The following DMXL2 variants were observed in gnomAD, a reference collection of about 807,000 sequenced individuals.
DMXL2 encodes the protein dmX-like protein 2.
In DMXL2, 103 loss-of-function variants were observed where a neutral mutation model predicts 331.1. That is an observed-to-expected ratio of 0.31 (90% CI 0.27 to 0.37). DMXL2 has a LOEUF of 0.37. DMXL2 is among the 10% of genes least tolerant of loss of function. DMXL2 has a pLI of 1.00. For synonymous variants in DMXL2, 1,281 were observed against 1,252.1 expected, an observed-to-expected ratio of 1.02 and a Z score of -0.49; for missense variants, 3,171 against 3,642.9, an observed-to-expected ratio of 0.87 and a Z score of 3.33.
intron 15 of DMXL2, among the ~76,000 whole-genome samples, chr15:51,510,802 G>C (rs576740551): frequency 1.3e-5 from 2 of 152,088 alleles, no homozygotes; most frequent in Admixed American, 6.6e-5. Flanking sequence ...ATACTACAAG[G>C]CTACAGTAAC....
intron 5 of DMXL2, 63 bp from the exon 6 acceptor site, chr15:51,563,510 G>A: frequency 1.1e-5 from 13 of 1,144,614 alleles, no homozygotes; most frequent in Non-Finnish European, 1.6e-5. Context: ...TATAAAAATG[G>A]TCAAGATGAG....
intron 40 of DMXL2, 126 bp from the exon 41 acceptor site, chr15:51,453,767 CTAGGATAAAAGAATAAGTGA>C (rs2039368704): frequency 2.8e-6 from 2 of 718,380 alleles, no homozygotes; most frequent in Non-Finnish European, 2.3e-6. Flanking sequence ...AAAACTCGGT[CTAGGATAAAAGAATAAGTGA>C]TAGTATGAGG....
intron 34 of DMXL2, 24 bp from the exon 35 acceptor site, chr15:51,458,819 T>G: frequency 6.3e-7 from 1 of 1,599,908 alleles, no homozygotes; most frequent in Non-Finnish European, 8.6e-7. Flanking sequence ...ATCAGCAGTT[T>G]TAGTTGCTGC....
rs761081396 is a variant in DMXL2 at position 51,499,347 on chromosome 15, C to G, written c.3877G>C (p.Ala1293Pro). Residue 1293 changes from alanine (A) to proline (P), a missense_variant, in exon 18 of 44, where the codon GCA becomes CCA. Transcript: ENST00000560891. ...TEADSSNAEE[A>P]AMQDHSTFKS... ...AAGGTCGAATGATCTTGCATTGCTG[C>G]CTCTTCTGCATTAGAACTATCAGCT... 1 of 1,613,914 alleles carries G rather than the reference C, an allele frequency of 6.2e-7. No individual in the cohort carries two copies. The highest frequency in any genetic ancestry group is 1.1e-5 in the South Asian group (1 of 91,076).
intron 1 of DMXL2, among the ~76,000 whole-genome samples, chr15:51,597,927 T>C (rs2052943086): frequency 1.3e-5 from 2 of 152,204 alleles, no homozygotes; most frequent in African/African-American, 4.8e-5. Context: ...ACCGGTCATT[T>C]AGATTTTCTC....
chr15:51,491,441 CCA>C, intron 20 of DMXL2, 135 bp downstream of exon 20: 2 of 799,448 alleles, frequency 2.5e-6, no homozygotes, highest in Non-Finnish European at 3.8e-6. Flanking sequence ...AATTCCATCT[CCA>C]AAAAAAAAAA....
chr15:51,603,972 A>G (rs1195271080), intron 1 of DMXL2, among the ~76,000 whole-genome samples: 1 of 152,128 alleles, frequency 6.6e-6, no homozygotes, highest in East Asian at 1.9e-4. Context: ...CATAATAAAA[A>G]ATATTCTTAA....
At position 51,480,057 on chromosome 15, in the gene DMXL2, T is replaced by G; in HGVS notation, c.6647A>C (p.Lys2216Thr). The G allele has an allele frequency of 1.2e-6, 2 of 1,602,884 alleles. No homozygotes were observed. The change falls in exon 25 of 44, where the codon AAA (lysine) becomes ACA (threonine). Residue 2216 changes from lysine (K) to threonine (T), a missense_variant. Lys to Thr is a moderately conservative substitution (Grantham distance 78). This residue lies in a region of DMXL2 where 197 missense variants were observed against 196.2 expected (regional missense o/e 1.00). Transcript: ENST00000560891. ...CAATACAGGATTAGCTATGACTGTT[T>G]TTGTTGACGCAATACTTGCTGAAAG... Reference protein sequence around the residue: ...PLLSASIASTKTVIANPVLYL... With the variant: ...PLLSASIASTTTVIANPVLYL...
At position 51,471,409 on chromosome 15, in the gene DMXL2, A is replaced by G; in HGVS notation, c.7214-8T>C. The G allele has an allele frequency of 6.4e-7, 1 of 1,570,716 alleles. No homozygotes were observed. ...CAGAAAGGACAGGAGGTGCTAAATG[A>G]AGATAGAAGGAAAAAAAAATCTAGC... On this transcript the variant is annotated splice_polypyrimidine_tract_variant and splice_region_variant and intron_variant, in intron 28 of 43. Transcript: ENST00000560891.
At chr15:51,572,227 T>C (rs1246031170) in intron 2 of DMXL2, among the ~76,000 whole-genome samples, 6 of 127,294 alleles carry the variant, frequency 4.7e-5, no homozygotes, top group Non-Finnish European at 9.0e-5. Flanking sequence ...CTCCCAATAC[T>C]AAACCAGGAA....
chr15:51,474,641 G>A (rs1307093793), intron 27 of DMXL2, 49 bp from the exon 28 acceptor site: 1 of 1,509,536 alleles, frequency 6.6e-7, no homozygotes, highest in Admixed American at 2.3e-5. Flanking sequence ...TGAAGCACCA[G>A]AAGGAAAAAA....
intron 1 of DMXL2, among the ~76,000 whole-genome samples, chr15:51,598,900 C>G (rs1453037399): frequency 2.0e-5 from 3 of 152,136 alleles, no homozygotes; most frequent in African/African-American, 7.2e-5. Flanking sequence ...TGTAAATATC[C>G]TGTTCCTTAC....
chr15:51,464,880 C>T lies in DMXL2; in HGVS notation c.7607-4G>A. ...AATGGTGATGTTACAGGCAGCTCTA[C>T]AAGGTGACAGAATATGTTATTTATT... On this transcript the variant is annotated splice_region_variant and splice_polypyrimidine_tract_variant and intron_variant, in intron 31 of 43. Coordinates refer to ENST00000560891, the MANE Select transcript of DMXL2 (RefSeq NM_001378457.1). 1 of 1,606,398 alleles carries T rather than the reference C, an allele frequency of 6.2e-7. No individual in the cohort carries two copies. The highest frequency in any genetic ancestry group is 8.5e-7 in the Non-Finnish European group (1 of 1,175,522).
intron 1 of DMXL2, among the ~76,000 whole-genome samples, chr15:51,618,497 T>C (rs1456453163): frequency 6.6e-6 from 1 of 152,198 alleles, no homozygotes; most frequent in Non-Finnish European, 1.5e-5. Flanking sequence ...AACATTATTT[T>C]CTAATTTTTA....
In DMXL2 at chr15:51,459,611, T is replaced by A; in HGVS notation, c.7976A>T (p.Asp2659Val). The part of the protein sequence containing the change: ...EQVNQNCIAE[D>V]CHIKVEADLG... Reference sequence around the variant, plus strand: ...TTGGAATACTACCTTGATGTGGCAATCTTCTGCTATGCAGTTTTGGTTGAC... The same window carrying A: ...TTGGAATACTACCTTGATGTGGCAAACTTCTGCTATGCAGTTTTGGTTGAC... Residue 2659 changes from aspartate (D) to valine (V), a missense_variant, in exon 34 of 44, where the codon GAT (aspartate) becomes GTT (valine). Around this residue, in one of 7 missense-constraint regions of DMXL2, gnomAD observed 766 missense variants for 940.5 expected, o/e 0.81. Coordinates refer to ENST00000560891, the MANE Select transcript of DMXL2 (RefSeq NM_001378457.1). 1.6e-6 allele frequency: 2 copies of A among 1,289,858 alleles called. No individual in the cohort carries two copies. The highest frequency in any genetic ancestry group is 2.0e-6 in the Non-Finnish European group (2 of 988,870). 79.9% of individuals were successfully genotyped at this position (1,289,858 alleles called of 1,614,324 possible).
chr15:51,611,267 A>C (rs1377169131), intron 1 of DMXL2, among the ~76,000 whole-genome samples: 1 of 152,216 alleles, frequency 6.6e-6, no homozygotes, highest in Non-Finnish European at 1.5e-5. Context: ...GGCAGTAATG[A>C]CAAAAGAAGC....
intron 1 of DMXL2, among the ~76,000 whole-genome samples, chr15:51,596,516 T>C (rs563272476): frequency 2.6e-5 from 4 of 152,234 alleles, no homozygotes; most frequent in Non-Finnish European, 5.9e-5. Context: ...AGTGTGGCAA[T>C]TCCTCAGGGA....
At chr15:51,555,934 T>C (rs1054564145) in intron 6 of DMXL2, among the ~76,000 whole-genome samples, 2 of 152,170 alleles carry the variant, frequency 1.3e-5, no homozygotes, top group Non-Finnish European at 2.9e-5. Context: ...AAAGAGAGCT[T>C]TCCAACCCAT....
chr15:51,597,659 A>C (rs188407006), intron 1 of DMXL2, among the ~76,000 whole-genome samples: 1 of 152,326 alleles, frequency 6.6e-6, no homozygotes, highest in East Asian at 1.9e-4. Context: ...TACACACAAA[A>C]GAGGAACTGA....
Sources: allele counts gnomAD v4.1 joint callset (sites outside exome capture counted in the v4.1 genomes callset), GRCh38; gene constraint gnomAD v4.1.1; regional missense constraint gnomAD v4.1.1; transcripts MANE v1.5; gene names NCBI Gene and HGNC (gene_info 2026-07-23, HGNC 2026-07-21).